SYNJ1: variants seen among roughly 807,000 people sequenced by gnomAD.
SYNJ1 encodes polyphosphatidylinositol phosphatase SYNJ1.
SYNJ1 carries 78 observed loss-of-function variants against 168.2 expected under a neutral mutation model. The ratio of observed to expected loss-of-function variants is 0.46; its 90% CI spans 0.39 to 0.56. SYNJ1 has a LOEUF of 0.56. Among genes scored for constraint, SYNJ1 ranks in the 20% least tolerant of loss-of-function variants. SYNJ1 has a pLI of 0.00. For synonymous variants in SYNJ1, 539 were observed against 548.6 expected, an observed-to-expected ratio of 0.98 and a Z score of 0.24; for missense variants, 1,303 against 1,597.6, an observed-to-expected ratio of 0.82 and a Z score of 3.14.
rs1187671249 is a variant in SYNJ1, at chr21:32,676,469, G to A, written c.1511-114C>T. On this transcript the variant is annotated intron_variant, in intron 12 of 32. Coordinates refer to ENST00000674351, the MANE Select transcript of SYNJ1 (RefSeq NM_203446.3). Reference sequence around the variant, plus strand: ...AAGACCTCACTTAAGTCAATTTGATGACTTTATTTTTTTCTGATAGCTATA... The same window carrying A: ...AAGACCTCACTTAAGTCAATTTGATAACTTTATTTTTTTCTGATAGCTATA... 6.2e-6 allele frequency: 6 copies of A among 963,814 alleles called. No individual in the cohort carries two copies. The Admixed American group carries it at 8.0e-5, about 13-fold the overall frequency. 59.7% of individuals were successfully genotyped at this position (963,814 alleles called of 1,614,324 possible). A position where few individuals can be genotyped will look rare whatever the true frequency, so the allele number is the denominator to read the frequency against.
At chr21:32,640,457 G>A (rs1187270770) in intron 29 of SYNJ1, among the ~76,000 whole-genome samples, 1 of 151,614 alleles carries the variant, frequency 6.6e-6, no homozygotes, top group Non-Finnish European at 1.5e-5. Context: ...CACCACACGC[G>A]GCTAATTTTT....
At chr21:32,694,972 G>T in intron 5 of SYNJ1, 85 bp downstream of exon 5, 2 of 1,290,800 alleles carry the variant, frequency 1.5e-6, no homozygotes, top group South Asian at 1.5e-5. Context: ...AATAAGCTCC[G>T]AATCAAATAA....
At chr21:32,727,813 C>A in intron 1 of SYNJ1, 133 bp downstream of exon 1, 1 of 1,456,722 alleles carries the variant, frequency 6.9e-7, no homozygotes, top group Admixed American at 2.4e-5. Context: ...TCCCGCACCC[C>A]GGCTGCTCGC....
chr21:32,662,882 C>G (rs1392455013), intron 18 of SYNJ1, among the ~76,000 whole-genome samples: 1 of 152,058 alleles, frequency 6.6e-6, no homozygotes, highest in African/African-American at 2.4e-5. Flanking sequence ...CCCCTTGATC[C>G]TCGCTGGAAA....
At chr21:32,664,123 C>T (rs1029367296) in intron 18 of SYNJ1, among the ~76,000 whole-genome samples, 1 of 152,172 alleles carries the variant, frequency 6.6e-6, no homozygotes, top group Non-Finnish European at 1.5e-5. Flanking sequence ...GCTTACTGCT[C>T]CCTTGTTTGC....
intron 6 of SYNJ1, among the ~76,000 whole-genome samples, chr21:32,690,384 T>A (rs1482011582): frequency 1.3e-5 from 2 of 152,216 alleles, no homozygotes; most frequent in African/African-American, 2.4e-5. Flanking sequence ...ATTTTTATTT[T>A]TTTATTTTTT....
Position 32,681,630 on chromosome 21 carries a change from C to T in SYNJ1, c.1219G>A (p.Glu407Lys), listed in dbSNP as rs201835734. ...GGCTTTTCAGCTAAACCAAGAGCTT[C>T]CAACTGTTTAGCTAGCATCTTAAAA... ...LGLEMLAKQL[E>K]ALGLAEKPQL... The change falls in exon 11 of 33, where the codon GAA (glutamate) becomes AAA (lysine). Residue 407 changes from glutamate to lysine, a missense_variant. Glu to Lys is a moderately conservative substitution (Grantham distance 56). This residue lies in a region of SYNJ1 where 920 missense variants were observed against 1,208.8 expected (regional missense o/e 0.76). Coordinates refer to ENST00000674351, the MANE Select transcript of SYNJ1 (RefSeq NM_203446.3). The T allele has an allele frequency of 1.1e-5, 18 of 1,612,964 alleles. No homozygotes were observed. Among genetic ancestry groups the T allele is most frequent in the Non-Finnish European group, 1.5e-5 (18 of 1,179,518 alleles).
In SYNJ1 at chr21:32,702,043, A is replaced by G. The variant is rs2042423048; in HGVS notation, c.129T>C (p.Ser43=). ...FESGAVAVLS[S]AEKEAIKGTY... is the part of the protein sequence containing the mutation. ...TACCCTTGATTGCCTCTTTTTCTGC[A>G]GATGCTACAAAAAAAAGTTTTAGTT... Residue 43 remains serine, a synonymous_variant, in exon 3 of 33, where the codon TCT becomes TCC. Coordinates refer to ENST00000674351, the MANE Select transcript of SYNJ1 (RefSeq NM_203446.3). The G allele has an allele frequency of 6.5e-7, 1 of 1,549,852 alleles. No individual in the cohort carries two copies. The highest frequency in any genetic ancestry group is 1.3e-5 in the South Asian group (1 of 79,006).
rs370311881 is a variant in SYNJ1, at chr21:32,642,082, C to G, written c.3517+13G>C. 2.3e-4 allele frequency: 377 copies of G among 1,614,074 alleles called. No individual in the cohort carries two copies. Among genetic ancestry groups the G allele is most frequent in the Non-Finnish European group, 3.0e-4 (349 of 1,180,016 alleles). On this transcript the variant is annotated intron_variant, in intron 28 of 32. Transcript: ENST00000674351. ...AGTTTTAAGGGTGAATAGCTACATT[C>G]AAGTGTTTTTACCTATATTATCTTT... is the stretch of plus-strand genomic sequence containing the variant.
chr21:32,702,485 C>G (rs978609475), intron 2 of SYNJ1, among the ~76,000 whole-genome samples: 4 of 152,020 alleles, frequency 2.6e-5, no homozygotes, highest in African/African-American at 9.7e-5. Flanking sequence ...TGAATATAAA[C>G]CACAGAATAA....
At chr21:32,682,160 A>G (rs2041650727) in intron 10 of SYNJ1, among the ~76,000 whole-genome samples, 1 of 152,202 alleles carries the variant, frequency 6.6e-6, no homozygotes, top group South Asian at 2.1e-4. Context: ...TTATGCATAA[A>G]ATCCACATCG....
At chr21:32,706,069 A>G (rs2042596725) in intron 2 of SYNJ1, among the ~76,000 whole-genome samples, 1 of 152,198 alleles carries the variant, frequency 6.6e-6, no homozygotes, top group African/African-American at 2.4e-5. Flanking sequence ...CACTATGAAA[A>G]AAGCACCATT....
intron 18 of SYNJ1, among the ~76,000 whole-genome samples, chr21:32,662,104 C>A (rs1185168923): frequency 6.6e-6 from 1 of 152,134 alleles, no homozygotes; most frequent in Non-Finnish European, 1.5e-5. Flanking sequence ...CCGTGTGAAA[C>A]CTGCAGCTGC....
chr21:32,646,648 C>G (rs2040085247), intron 23 of SYNJ1, 46 bp from the exon 24 acceptor site: 1 of 1,491,840 alleles, frequency 6.7e-7, no homozygotes, highest in East Asian at 2.3e-5. Context: ...TTTTAACTTG[C>G]TCAGAGATTT....
At chr21:32,648,138 T>C (rs2040142748) in intron 23 of SYNJ1, among the ~76,000 whole-genome samples, 1 of 152,196 alleles carries the variant, frequency 6.6e-6, no homozygotes, top group Non-Finnish European at 1.5e-5. Context: ...ACTGCTCTAC[T>C]ATTCTGCCTT....
At chr21:32,638,779 A>C (rs908253636) in intron 31 of SYNJ1, 129 bp downstream of exon 31, 2 of 842,668 alleles carry the variant, frequency 2.4e-6, no homozygotes, top group Non-Finnish European at 3.5e-6. Context: ...TATAATAACA[A>C]ATATAAAAAG....
At chr21:32,704,097 C>T (rs1215669237) in intron 2 of SYNJ1, among the ~76,000 whole-genome samples, 2 of 152,174 alleles carry the variant, frequency 1.3e-5, no homozygotes, top group African/African-American at 4.8e-5. Context: ...ACAAAATGTT[C>T]TCTCTTCTAA....
chr21:32,670,452 G>A, intron 14 of SYNJ1, 80 bp from the exon 15 acceptor site: 1 of 1,055,012 alleles, frequency 9.5e-7, no homozygotes, highest in South Asian at 1.4e-5. Flanking sequence ...CATAACACCA[G>A]GTCTCATAAA....
chr21:32,678,917 C>A, intron 11 of SYNJ1, 116 bp from the exon 12 acceptor site: 1 of 1,352,278 alleles, frequency 7.4e-7, no homozygotes, highest in Non-Finnish European at 1.0e-6. Flanking sequence ...TAAAAAAGGA[C>A]CTAATCGTTC....
Sources: gnomAD v4.1 joint callset for allele counts (sites outside exome capture counted in the v4.1 genomes callset) on GRCh38, gnomAD v4.1.1 for gene constraint, gnomAD v4.1.1 regional missense constraint, MANE v1.5 for transcripts, NCBI Gene and HGNC (gene_info 2026-07-23, HGNC 2026-07-21) for gene names.